Variants in DRC11 observed in about 807,000 individuals in gnomAD.
DRC11 encodes the protein dynein regulatory complex subunit 11, also known as IQ and AAA domain-containing protein 1.
At chr2:236,399,578 C>A in the DRC11 span, 4 of 1,013,752 alleles carry the variant, frequency 3.9e-6, no homozygotes, top group Non-Finnish European at 6.2e-6. This position sits in a 1 kb window ranked among gnomAD's most constrained non-coding sequence, Gnocchi z 7.0. Context: ...AGGGTCCATG[C>A]CGCGCAGGCC....
chr2:236,423,035 T>C, the DRC11 span, among the ~76,000 whole-genome samples: 1 of 151,108 alleles, frequency 6.6e-6, no homozygotes, highest in Non-Finnish European at 1.5e-5. Flanking sequence ...CCTTACACCT[T>C]ATACAAAAAT....
chr2:236,406,604 A>C, the DRC11 span, among the ~76,000 whole-genome samples: 1 of 152,202 alleles, frequency 6.6e-6, no homozygotes, highest in African/African-American at 2.4e-5. This position sits in a 1 kb window ranked among gnomAD's most constrained non-coding sequence, Gnocchi z 4.7. Context: ...CTGAGAGTGA[A>C]ATAATAATCC....
the DRC11 span, among the ~76,000 whole-genome samples, chr2:236,444,039 GT>G: frequency 4.7e-5 from 7 of 148,224 alleles, no homozygotes; most frequent in African/African-American, 1.2e-4. Flanking sequence ...TAATGGGGTT[GT>G]TTTTTTTCAT....
At chr2:236,396,052 C>T in the DRC11 span, among the ~76,000 whole-genome samples, 2 of 152,010 alleles carry the variant, frequency 1.3e-5, no homozygotes, top group Admixed American at 1.3e-4. Context: ...TGCCCATTTC[C>T]CCTCTAGATC....
chr2:236,384,982 G>A, the DRC11 span, among the ~76,000 whole-genome samples: 25 of 152,080 alleles, frequency 1.6e-4, no homozygotes, highest in South Asian at 3.3e-3. Flanking sequence ...GATATTTGGC[G>A]TTATTTCTGA....
the DRC11 span, among the ~76,000 whole-genome samples, chr2:236,378,597 C>T: frequency 2.6e-5 from 4 of 151,376 alleles, no homozygotes; most frequent in East Asian, 7.8e-4. Flanking sequence ...ATCGCTTGAA[C>T]ACCAGAGGCA....
At chr2:236,349,169 G>C in the DRC11 span, among the ~76,000 whole-genome samples, 1 of 151,970 alleles carries the variant, frequency 6.6e-6, no homozygotes, top group South Asian at 2.1e-4. The surrounding 1 kb of genome is among the most constrained non-coding windows in gnomAD (Gnocchi z 5.5). Context: ...CAGCTCCTTG[G>C]TGCAAGCCCC....
At chr2:236,389,072 A>C in the DRC11 span, among the ~76,000 whole-genome samples, 1 of 152,198 alleles carries the variant, frequency 6.6e-6, no homozygotes, top group East Asian at 1.9e-4. Context: ...CAAAGCTGTC[A>C]GACAGGGACA....
the DRC11 span, among the ~76,000 whole-genome samples, chr2:236,495,677 G>T: frequency 2.0e-5 from 3 of 152,180 alleles, no homozygotes; most frequent in East Asian, 5.8e-4. The surrounding 1 kb of genome is among the most constrained non-coding windows in gnomAD (Gnocchi z 5.6). Context: ...AACCCAGCTG[G>T]GTGTTTGTCA....
chr2:236,357,012 A>G, the DRC11 span, among the ~76,000 whole-genome samples: 7 of 132,360 alleles, frequency 5.3e-5, 1 homozygote, highest in African/African-American at 2.1e-4. Context: ...ATATATTCAT[A>G]TATTATATAT....
At chr2:236,390,108 A>G in the DRC11 span, among the ~76,000 whole-genome samples, 7 of 152,074 alleles carry the variant, frequency 4.6e-5, no homozygotes, top group African/African-American at 1.7e-4. The surrounding 1 kb of genome is among the most constrained non-coding windows in gnomAD (Gnocchi z 5.9). Flanking sequence ...ATTGCTGTCT[A>G]TTTCTCCCTT....
the DRC11 span, chr2:236,507,298 T>C: frequency 6.2e-7 from 1 of 1,613,730 alleles, no homozygotes; most frequent in Admixed American, 1.7e-5. Flanking sequence ...TTCCTCGCCC[T>C]CCGGGAAGCT....
At chr2:236,503,598 G>A in the DRC11 span, 1,670 of 1,539,406 alleles carry the variant, frequency 1.1e-3, 14 homozygotes, top group African/African-American at 0.02. The surrounding 1 kb of genome is among the most constrained non-coding windows in gnomAD (Gnocchi z 4.9). Flanking sequence ...AAAATGAGCA[G>A]CTTTGAAAGC....
At chr2:236,353,289 T>C in the DRC11 span, among the ~76,000 whole-genome samples, 1 of 152,220 alleles carries the variant, frequency 6.6e-6, no homozygotes, top group Non-Finnish European at 1.5e-5. This position sits in a 1 kb window ranked among gnomAD's most constrained non-coding sequence, Gnocchi z 5.0. Flanking sequence ...TTGTTGTGTG[T>C]CAATTATGAA....
At chr2:236,325,879 A>T in the DRC11 span, among the ~76,000 whole-genome samples, 11 of 152,332 alleles carry the variant, frequency 7.2e-5, no homozygotes, top group East Asian at 2.1e-3. The surrounding 1 kb of genome is among the most constrained non-coding windows in gnomAD (Gnocchi z 4.4). Context: ...TAGGGATTAC[A>T]GGTGTGAGCC....
the DRC11 span, among the ~76,000 whole-genome samples, chr2:236,506,566 C>G: frequency 6.6e-6 from 1 of 152,214 alleles, no homozygotes; most frequent in Non-Finnish European, 1.5e-5. This position sits in a 1 kb window ranked among gnomAD's most constrained non-coding sequence, Gnocchi z 4.9. Context: ...GCACTGTTCA[C>G]TTGCTGTGTG....
At chr2:236,358,880 G>A in the DRC11 span, among the ~76,000 whole-genome samples, 14 of 149,616 alleles carry the variant, frequency 9.4e-5, no homozygotes, top group Admixed American at 4.0e-4. Flanking sequence ...CATCGGCTCC[G>A]CATGCCCCAC....
the DRC11 span, among the ~76,000 whole-genome samples, chr2:236,326,266 A>G: frequency 6.6e-6 from 1 of 152,194 alleles, no homozygotes; most frequent in Non-Finnish European, 1.5e-5. Flanking sequence ...TCTTTAAACA[A>G]TTGTTCCTCT....
At chr2:236,450,851 C>T in the DRC11 span, among the ~76,000 whole-genome samples, 1 of 152,072 alleles carries the variant, frequency 6.6e-6, no homozygotes, top group East Asian at 1.9e-4. Flanking sequence ...TATCCAGTGC[C>T]ATTTGTCCTT....
Sources: allele counts gnomAD v4.1 joint callset (sites outside exome capture counted in the v4.1 genomes callset), GRCh38; gene constraint gnomAD v4.1.1; non-coding constraint Gnocchi (gnomAD v3.1); transcripts MANE v1.5; gene names NCBI Gene and HGNC (gene_info 2026-07-23, HGNC 2026-07-21).